Variants in NBAS observed in about 807,000 individuals in gnomAD.
The protein encoded by NBAS is NBAS subunit of NRZ tethering complex.
NBAS carries 219 observed loss-of-function variants against 302.5 expected under a neutral mutation model. The observed-to-expected ratio is 0.72, with a 90% CI of 0.65 to 0.81. The LOEUF (loss-of-function observed/expected upper bound fraction) is 0.81, where lower values mean the gene tolerates loss of function less well. NBAS is among the 30% of genes least tolerant of loss of function. The pLI is 0.00. For missense variants in NBAS, 2,932 were observed against 2,841.6 expected, an observed-to-expected ratio of 1.03 and a Z score of -0.72; for synonymous variants, 1,118 against 1,021.6, an observed-to-expected ratio of 1.09 and a Z score of -1.80.
chr2:14,990,625 T>C, the NBAS span, among the ~76,000 whole-genome samples: 1 of 152,278 alleles, frequency 6.6e-6, no homozygotes, highest in Admixed American at 6.5e-5. Flanking sequence ...AGGCATTTTG[T>C]CATACTTTTT....
At chr2:15,059,954 A>C in the NBAS span, among the ~76,000 whole-genome samples, 1 of 95,088 alleles carries the variant, frequency 1.1e-5, no homozygotes, top group Non-Finnish European at 2.0e-5. Context: ...TGCTAAAAAA[A>C]AAAAAAAAAC....
At chr2:15,463,576 G>T (rs1679597547) in intron 19 of NBAS, among the ~76,000 whole-genome samples, 1 of 151,756 alleles carries the variant, frequency 6.6e-6, no homozygotes, top group African/African-American at 2.4e-5. Context: ...AAACTGCCTG[G>T]TTCATGGCTT....
At position 15,420,894 on chromosome 2, in the gene NBAS, C is replaced by T. The variant is rs534628350; in HGVS notation, c.2578-3182G>A. Among the ~76,000 whole-genome samples, 5 of 152,170 alleles carry T rather than the reference C, an allele frequency of 3.3e-5. No individual in the cohort carries two copies. The South Asian group carries it at 1.0e-3, about 32-fold the overall frequency. On this transcript the variant is annotated intron_variant, in intron 23 of 51. Transcript: ENST00000281513. Reference sequence around the variant, plus strand: ...CGCAATAATAAAGGCCCACTCACAACCCTTCAAAGACCTAGGGATGGACAA... The same window carrying T: ...CGCAATAATAAAGGCCCACTCACAATCCTTCAAAGACCTAGGGATGGACAA...
At chr2:15,039,402 G>C in the NBAS span, among the ~76,000 whole-genome samples, 1 of 152,252 alleles carries the variant, frequency 6.6e-6, no homozygotes, top group East Asian at 1.9e-4. Context: ...GTCAGGGAAG[G>C]ATTTAAAGAA....
chr2:15,525,208 C>T (rs1426659171), intron 9 of NBAS, among the ~76,000 whole-genome samples: 1 of 150,446 alleles, frequency 6.6e-6, no homozygotes, highest in Non-Finnish European at 1.5e-5. Context: ...GTCTCTGAAG[C>T]CGGCTGTTGC....
chr2:15,558,658 T>C (rs1664762137), intron 1 of NBAS, 24 bp from the exon 2 acceptor site: 10 of 1,585,244 alleles, frequency 6.3e-6, no homozygotes, highest in Non-Finnish European at 8.7e-6. Context: ...CAAAAAACAC[T>C]TACATTTGAA....
the NBAS span, among the ~76,000 whole-genome samples, chr2:14,846,363 C>T: frequency 1.3e-5 from 2 of 150,644 alleles, no homozygotes; most frequent in Non-Finnish European, 2.9e-5. Context: ...GTAGTGAAAA[C>T]TTTCCCAGAC....
the NBAS span, among the ~76,000 whole-genome samples, chr2:14,919,034 T>C: frequency 1.3e-5 from 2 of 152,024 alleles, no homozygotes; most frequent in East Asian, 3.9e-4. Flanking sequence ...AGCACCAATT[T>C]CCAGGATAAT....
chr2:15,192,552 C>A (rs1270517832), intron 48 of NBAS, among the ~76,000 whole-genome samples: 1 of 152,146 alleles, frequency 6.6e-6, no homozygotes, highest in African/African-American at 2.4e-5. Context: ...GGTTTGCTAA[C>A]ATTACAACTA....
At chr2:15,315,867 C>T (rs759806) in intron 38 of NBAS, among the ~76,000 whole-genome samples, 30,385 of 152,076 alleles carry the variant, frequency 0.2, 3,949 homozygotes, top group East Asian at 0.59. Context: ...CATGAGTCTC[C>T]ACTCTACCTC....
the NBAS span, among the ~76,000 whole-genome samples, chr2:15,106,468 T>TCTCTCC: frequency 6.6e-6 from 1 of 151,716 alleles, no homozygotes; most frequent in African/African-American, 2.4e-5. Flanking sequence ...TCTCTCTCTC[T>TCTCTCC]CTCTCTCTCT....
chr2:15,087,319 A>C, the NBAS span, among the ~76,000 whole-genome samples: 2 of 152,140 alleles, frequency 1.3e-5, no homozygotes, highest in African/African-American at 2.4e-5. Flanking sequence ...GTTCTCATCC[A>C]TTTATTAAAA....
rs74767617 is a variant in NBAS, at chr2:15,359,839, C to T, written c.3818-3423G>A. Among the ~76,000 whole-genome samples, 1,288 of 152,234 alleles carry T rather than the reference C, an allele frequency of 8.5e-3. 19 individuals carry two copies. Among genetic ancestry groups the T allele is most frequent in the East Asian group, 0.059 (304 of 5,164 alleles). On this transcript the variant is annotated intron_variant, in intron 32 of 51. Transcript: ENST00000281513. Reference sequence around the variant, plus strand: ...ATAGAAAGGCTCAAAAAAATACAGTCATGAGTTGCTTAACAAGAGGAATAC... The same window carrying T: ...ATAGAAAGGCTCAAAAAAATACAGTTATGAGTTGCTTAACAAGAGGAATAC...
At chr2:15,249,327 A>G (rs1026262759) in intron 44 of NBAS, among the ~76,000 whole-genome samples, 6 of 152,206 alleles carry the variant, frequency 3.9e-5, no homozygotes, top group Non-Finnish European at 7.3e-5. Flanking sequence ...AAATAAAAAG[A>G]GCTATTTATG....
At chr2:15,407,098 T>G (rs1676450827) in intron 25 of NBAS, among the ~76,000 whole-genome samples, 1 of 152,192 alleles carries the variant, frequency 6.6e-6, no homozygotes, top group African/African-American at 2.4e-5. Context: ...AAGCACTGCT[T>G]GTAATTGCAA....
chr2:15,018,867 C>T, the NBAS span, among the ~76,000 whole-genome samples: 1 of 151,996 alleles, frequency 6.6e-6, no homozygotes, highest in Non-Finnish European at 1.5e-5. Flanking sequence ...GATTCTTTTT[C>T]CTCTTTGTTT....
At chr2:14,792,794 A>G in the NBAS span, among the ~76,000 whole-genome samples, 1 of 152,196 alleles carries the variant, frequency 6.6e-6, no homozygotes, top group Non-Finnish European at 1.5e-5. Context: ...CTTGAATGAG[A>G]AAAGGTAATC....
At chr2:15,121,063 C>T in the NBAS span, among the ~76,000 whole-genome samples, 22 of 152,246 alleles carry the variant, frequency 1.4e-4, no homozygotes, top group South Asian at 3.3e-3. Context: ...GAATTCATCT[C>T]CTGTCTTGAA....
chr2:15,030,076 C>T, the NBAS span, among the ~76,000 whole-genome samples: 3 of 152,188 alleles, frequency 2.0e-5, no homozygotes, highest in Admixed American at 2.0e-4. Flanking sequence ...CCACAGCTCA[C>T]CAGGGAGGAA....
Sources: allele counts gnomAD v4.1 joint callset (sites outside exome capture counted in the v4.1 genomes callset), GRCh38; gene constraint gnomAD v4.1.1; transcripts MANE v1.5; gene names NCBI Gene and HGNC (gene_info 2026-07-23, HGNC 2026-07-21).